Variants in SLC23A2 observed in about 807,000 individuals in gnomAD.
SLC23A2 encodes the protein solute carrier family 23 member 2, also known as Na(+)/L-ascorbic acid transporter 2.
A neutral mutation model predicts 73.3 loss-of-function variants in SLC23A2; 36 were observed. That is an observed-to-expected ratio of 0.49 (90% CI 0.38 to 0.65). The LOEUF (loss-of-function observed/expected upper bound fraction) is 0.65. SLC23A2 is among the 30% of genes least tolerant of loss of function. The pLI is 0.00. For missense variants in SLC23A2, 507 were observed against 841.6 expected (o/e 0.60, Z 4.92); for synonymous variants, 343 against 327.3 (o/e 1.05, Z -0.52).
rs758365286 is a variant in SLC23A2 at position 4,862,760 on chromosome 20, CAG to C, written c.1486+16_1486+17del. On this transcript the variant is annotated intron_variant, in intron 14 of 16. Coordinates refer to ENST00000338244, the MANE Select transcript of SLC23A2 (RefSeq NM_005116.6). This position sits in a 1 kb window ranked among gnomAD's most constrained non-coding sequence, Gnocchi z 5.1. Reference sequence around the variant, plus strand: ...AATTTGGAAAAGTAAAGGAAAAAGCCAGAGAGGGGAGTCTTACCAAAGAGCGT... The same window carrying C: ...AATTTGGAAAAGTAAAGGAAAAAGCCAGAGGGGAGTCTTACCAAAGAGCGT... 3.8e-6 allele frequency: 6 copies of C among 1,597,306 alleles called. No homozygotes were observed. The South Asian group carries it at 6.6e-5, about 18-fold the overall frequency.
intron 3 of SLC23A2, among the ~76,000 whole-genome samples, chr20:4,923,089 G>A (rs766758948): frequency 9.9e-5 from 15 of 152,054 alleles, no homozygotes; most frequent in South Asian, 4.1e-4. Context: ...CTCAAAACCA[G>A]AGGAAAAAAA....
chr20:5,004,045 G>A (rs1600224280), upstream of SLC23A2, among the ~76,000 whole-genome samples: 1 of 151,560 alleles, frequency 6.6e-6, no homozygotes, highest in East Asian at 1.9e-4. Context: ...TTTCTCCCCT[G>A]CCCTCTCCTT....
intron 2 of SLC23A2, among the ~76,000 whole-genome samples, chr20:4,940,942 G>A (rs955669114): frequency 2.0e-5 from 3 of 152,192 alleles, no homozygotes; most frequent in Non-Finnish European, 2.9e-5. Flanking sequence ...GACTGCCTGA[G>A]GTCGGGAGTT....
At chr20:4,960,741 A>C (rs1204702894) in intron 2 of SLC23A2, among the ~76,000 whole-genome samples, 1 of 152,242 alleles carries the variant, frequency 6.6e-6, no homozygotes, top group Non-Finnish European at 1.5e-5. Context: ...GAAGAGAAAG[A>C]GGGAGATGAG....
At chr20:4,943,585 G>A (rs1156798025) in intron 2 of SLC23A2, among the ~76,000 whole-genome samples, 1 of 151,526 alleles carries the variant, frequency 6.6e-6, no homozygotes, top group Non-Finnish European at 1.5e-5. Context: ...TGAGGTGGGA[G>A]GATGGCTTGA....
chr20:4,927,121 C>T (rs781261370), intron 3 of SLC23A2, among the ~76,000 whole-genome samples: 1 of 152,074 alleles, frequency 6.6e-6, no homozygotes, highest in Non-Finnish European at 1.5e-5. Flanking sequence ...GGGCTAGCCA[C>T]TAGCCACGTG....
rs537701544 is a variant in SLC23A2 at position 4,944,679 on chromosome 20, G to A, written c.-154-11963C>T. ...ACCAATCCAGACAGGGGAAGAATAT[G>A]ACTAAGAAGGAGTGCCCTCTGGGAT... On this transcript the variant is annotated intron_variant, in intron 2 of 16. Coordinates refer to ENST00000338244, the MANE Select transcript of SLC23A2 (RefSeq NM_005116.6). Among the ~76,000 whole-genome samples, 10 of 152,310 alleles carry A rather than the reference G, an allele frequency of 6.6e-5. No individual in the cohort carries two copies. The South Asian group carries it at 2.1e-3, about 32-fold the overall frequency.
chr20:4,940,655 A>G (rs751282470), intron 2 of SLC23A2, among the ~76,000 whole-genome samples: 1 of 152,208 alleles, frequency 6.6e-6, no homozygotes, highest in Non-Finnish European at 1.5e-5. Flanking sequence ...ACCCTGTTAT[A>G]TATGTGTTAT....
chr20:4,900,269 T>C (rs970196893), intron 5 of SLC23A2, among the ~76,000 whole-genome samples: 2 of 152,234 alleles, frequency 1.3e-5, no homozygotes, highest in African/African-American at 4.8e-5. Context: ...AAACAGTCAA[T>C]ATCAGCACTG....
chr20:4,955,365 AC>A (rs2087268628), intron 2 of SLC23A2, among the ~76,000 whole-genome samples: 2 of 104,592 alleles, frequency 1.9e-5, no homozygotes, highest in Non-Finnish European at 1.7e-5. Flanking sequence ...AAACACACAC[AC>A]ACACACACAC....
At chr20:4,861,469 C>T (rs1929961404) in intron 15 of SLC23A2, among the ~76,000 whole-genome samples, 1 of 152,210 alleles carries the variant, frequency 6.6e-6, no homozygotes, top group Non-Finnish European at 1.5e-5. Context: ...TTCTTCCTTT[C>T]TACATTCCTC....
chr20:4,917,596 C>T (rs1406961974), intron 3 of SLC23A2, among the ~76,000 whole-genome samples: 1 of 152,182 alleles, frequency 6.6e-6, no homozygotes, highest in East Asian at 1.9e-4. Flanking sequence ...GGAAGGTTTA[C>T]TTTGCCAGGC....
At chr20:5,007,185 T>C (rs1229137031) in intron 1 of SLC23A2, among the ~76,000 whole-genome samples, 1 of 152,166 alleles carries the variant, frequency 6.6e-6, no homozygotes, top group African/African-American at 2.4e-5. Flanking sequence ...ATAATTCATG[T>C]ACCCATAATA....
At position 4,862,962 on chromosome 20, in the gene SLC23A2, C is replaced by T. The variant is rs199544118; in HGVS notation, c.1357-55G>A. 6.0e-4 allele frequency: 936 copies of T among 1,571,472 alleles called. 1 individual carries two copies. Among genetic ancestry groups the T allele is most frequent in the Non-Finnish European group, 7.5e-4 (868 of 1,150,090 alleles). On this transcript the variant is annotated intron_variant, in intron 13 of 16. Coordinates refer to ENST00000338244, the MANE Select transcript of SLC23A2 (RefSeq NM_005116.6). This position sits in a 1 kb window ranked among gnomAD's most constrained non-coding sequence, Gnocchi z 5.1. Reference sequence around the variant, plus strand: ...GGGACTCATCTCCATGCAAAATCACCGTAAGTTACTAAAGAACACACAGCA... The same window carrying T: ...GGGACTCATCTCCATGCAAAATCACTGTAAGTTACTAAAGAACACACAGCA...
rs10634743 is a variant in SLC23A2 at position 4,998,805 on chromosome 20, CTTTT to C, written c.-282+2597_-282+2600del. On this transcript the variant is annotated intron_variant, in intron 1 of 16. Transcript: ENST00000338244. This position sits in a 1 kb window ranked among gnomAD's most constrained non-coding sequence, Gnocchi z 4.1. ...ATAATTTCAAATCATTACTGTTGAT[CTTTT>C]TTTTTTTTTTTTTAGGAGACAGTCT... Among the ~76,000 whole-genome samples the C allele has an allele frequency of 7.2e-6, 1 of 139,456 alleles. No homozygotes were observed. Among genetic ancestry groups the C allele is most frequent in the African/African-American group, 2.6e-5 (1 of 37,844 alleles). The allele number at this position is 139,456 out of a possible 152,430, so 91.5% of individuals were successfully genotyped here. A position where few individuals can be genotyped will look rare whatever the true frequency, so the allele number is the denominator to read the frequency against.
chr20:4,882,179 CCAG>C (rs1481100967), intron 9 of SLC23A2, among the ~76,000 whole-genome samples: 1 of 152,066 alleles, frequency 6.6e-6, no homozygotes, highest in Non-Finnish European at 1.5e-5. Flanking sequence ...GAGTTTGAGA[CCAG>C]CCTGGCCAAC....
upstream of SLC23A2, among the ~76,000 whole-genome samples, chr20:5,003,006 A>G (rs1036932621): frequency 6.6e-6 from 1 of 152,224 alleles, no homozygotes; most frequent in African/African-American, 2.4e-5. Flanking sequence ...ACTGGGATTC[A>G]GTAAGTAGGG....
At chr20:4,892,415 G>A (rs1931365226) in intron 6 of SLC23A2, among the ~76,000 whole-genome samples, 1 of 152,022 alleles carries the variant, frequency 6.6e-6, no homozygotes, top group African/African-American at 2.4e-5. Context: ...TCCAACTCCT[G>A]ACCTCAGGTG....
intron 6 of SLC23A2, among the ~76,000 whole-genome samples, chr20:4,898,657 T>C (rs1354514927): frequency 2.6e-5 from 4 of 152,114 alleles, no homozygotes. Context: ...AAAGACAAGC[T>C]TGCAGGAGGA....
Sources: allele counts gnomAD v4.1 joint callset (sites outside exome capture counted in the v4.1 genomes callset), GRCh38; gene constraint gnomAD v4.1.1; non-coding constraint Gnocchi (gnomAD v3.1); transcripts MANE v1.5; gene names NCBI Gene and HGNC (gene_info 2026-07-23, HGNC 2026-07-21).